The following FGF12 variants were observed in gnomAD, a reference collection of about 807,000 sequenced individuals.
FGF12 encodes fibroblast growth factor 12.
A neutral mutation model predicts 23.6 loss-of-function variants in FGF12; 14 were observed. The ratio of observed to expected loss-of-function variants is 0.59; its 90% confidence interval spans 0.39 to 0.93. The LOEUF (loss-of-function observed/expected upper bound fraction) is 0.93, where lower values mean the gene tolerates loss of function less well. Ranked by LOEUF, FGF12 falls within the 40% of genes least tolerant of loss-of-function variation. The probability of loss-of-function intolerance (pLI) is 0.00; values close to 1 mark genes in which losing one functional copy is unlikely to be tolerated. For synonymous variants in FGF12, 62 were observed against 77.3 expected, an observed-to-expected ratio of 0.80 and a Z score of 1.04; for missense variants, 175 against 217.8, an observed-to-expected ratio of 0.80 and a Z score of 1.24.
intron 4 of FGF12, among the ~76,000 whole-genome samples, chr3:192,314,362 C>T (rs898534799): frequency 1.3e-5 from 2 of 152,010 alleles, no homozygotes; most frequent in African/African-American, 4.8e-5. Flanking sequence ...AGGTTCACCA[C>T]GTGATGTAGT....
intron 2 of FGF12, among the ~76,000 whole-genome samples, chr3:192,414,877 T>G (rs1721297972): frequency 6.6e-6 from 1 of 152,136 alleles, no homozygotes; most frequent in African/African-American, 2.4e-5. Flanking sequence ...CCCAATTCTC[T>G]CCCCGTGAAG....
intron 2 of FGF12, among the ~76,000 whole-genome samples, chr3:192,519,905 A>G (rs566569923): frequency 1.3e-5 from 2 of 152,326 alleles, no homozygotes; most frequent in South Asian, 2.1e-4. Context: ...CTGATTTGCT[A>G]TTGTGTCCTT....
chr3:192,711,639 A>G (rs1008114454), intron 2 of FGF12, among the ~76,000 whole-genome samples: 9 of 152,104 alleles, frequency 5.9e-5, no homozygotes, highest in African/African-American at 1.9e-4. Context: ...TTGATCTATG[A>G]CCTTACCCCC....
intron 2 of FGF12, among the ~76,000 whole-genome samples, chr3:192,654,088 AC>A (rs1716309665): frequency 6.6e-6 from 1 of 152,206 alleles, no homozygotes; most frequent in South Asian, 2.1e-4. Context: ...ATGTTGCCTA[AC>A]AAGTATGTGA....
intron 2 of FGF12, among the ~76,000 whole-genome samples, chr3:192,640,890 GC>G (rs1299962359): frequency 6.6e-6 from 1 of 151,640 alleles, no homozygotes; most frequent in Non-Finnish European, 1.5e-5. Flanking sequence ...ATGGCTCACT[GC>G]CCCCTCAATC....
At chr3:192,359,313 T>C (rs1331176552) in intron 3 of FGF12, among the ~76,000 whole-genome samples, 1 of 152,240 alleles carries the variant, frequency 6.6e-6, no homozygotes, top group East Asian at 1.9e-4. Flanking sequence ...ATTAGGGATT[T>C]TAAATTTTTC....
In FGF12 at chr3:192,430,390, T is replaced by A. The variant is rs147976033; in HGVS notation, c.14-69852A>T. Among the ~76,000 whole-genome samples, 516 of 152,250 alleles carry A rather than the reference T, an allele frequency of 3.4e-3. 3 individuals carry two copies. Among genetic ancestry groups the A allele is most frequent in the African/African-American group, 0.012 (493 of 41,562 alleles). ...GGGAAAATGGGGAATAGCTGTTCGG[T>A]GGGTATAGTTTCGGTTCTGCAAGAT... is the stretch of plus-strand genomic sequence containing the variant. On this transcript the variant is annotated intron_variant, in intron 2 of 5. Coordinates refer to ENST00000445105, the MANE Select transcript of FGF12 (RefSeq NM_004113.6).
chr3:192,469,804 A>G (rs1723118374), intron 2 of FGF12, among the ~76,000 whole-genome samples: 1 of 152,224 alleles, frequency 6.6e-6, no homozygotes, highest in Non-Finnish European at 1.5e-5. Context: ...GCACTGTGCA[A>G]TAAACTGAAC....
At chr3:192,222,315 A>G (rs1395759977) in intron 4 of FGF12, among the ~76,000 whole-genome samples, 2 of 152,140 alleles carry the variant, frequency 1.3e-5, no homozygotes, top group Admixed American at 6.6e-5. Context: ...AAGAGACTCA[A>G]ATAAGGTTCT....
At chr3:192,188,947 A>T (rs965094642) in intron 4 of FGF12, among the ~76,000 whole-genome samples, 3 of 152,238 alleles carry the variant, frequency 2.0e-5, no homozygotes, top group African/African-American at 7.2e-5. Context: ...AAAAGTCTGA[A>T]GTTCAGGTAA....
At chr3:192,531,667 T>TA (rs1267748364) in intron 2 of FGF12, among the ~76,000 whole-genome samples, 1 of 152,228 alleles carries the variant, frequency 6.6e-6, no homozygotes, top group East Asian at 1.9e-4. Context: ...ATTTAAAACT[T>TA]AAAGTTATTA....
At chr3:192,555,725 G>A (rs1051591298) in intron 2 of FGF12, among the ~76,000 whole-genome samples, 2 of 151,562 alleles carry the variant, frequency 1.3e-5, no homozygotes, top group Non-Finnish European at 2.9e-5. Flanking sequence ...TTGAACCCGG[G>A]AGGTGGAGAT....
At chr3:192,526,398 G>T (rs1724946483) in intron 2 of FGF12, among the ~76,000 whole-genome samples, 1 of 152,180 alleles carries the variant, frequency 6.6e-6, no homozygotes, top group African/African-American at 2.4e-5. Flanking sequence ...AGAAGTACAT[G>T]ATTTTATGGT....
Position 192,360,471 on chromosome 3 carries a change from TG to T in FGF12, c.80del (p.Pro27GlnfsTer20). On this transcript the variant is annotated frameshift_variant, in exon 3 of 6. Coordinates refer to ENST00000445105, the MANE Select transcript of FGF12 (RefSeq NM_004113.6). LOFTEE classifies it high-confidence loss of function. The surrounding 1 kb of genome is among the most constrained non-coding windows in gnomAD (Gnocchi z 4.3). ...SQQGYFLQMH[P>X]DGTIDGTKDE... ...CCTTGGTCCCATCAATGGTACCATC[TG>T]GGTGCATCTGCAGGAAGTATCCCTG... 1.2e-6 allele frequency: 2 copies of T among 1,613,990 alleles called. No homozygotes were observed. Among genetic ancestry groups the T allele is most frequent in the Non-Finnish European group, 1.7e-6 (2 of 1,179,874 alleles).
intron 4 of FGF12, among the ~76,000 whole-genome samples, chr3:192,290,867 A>G (rs1714718788): frequency 6.6e-6 from 1 of 152,172 alleles, no homozygotes; most frequent in African/African-American, 2.4e-5. Context: ...CTGGTCTGGT[A>G]AGCTATAAAG....
intron 4 of FGF12, among the ~76,000 whole-genome samples, chr3:192,330,564 A>G (rs1004869225): frequency 2.0e-5 from 3 of 152,164 alleles, no homozygotes; most frequent in African/African-American, 7.2e-5. Flanking sequence ...ATGTAACATT[A>G]ATTCAAAATG....
chr3:192,497,453 G>A lies in FGF12; in HGVS notation c.14-136915C>T, dbSNP rs564241175. ...TTTCATAGTGCAGACAGAGGGATCC[G>A]TTTATAAATGTAAATGGCTCATGCC... On this transcript the variant is annotated intron_variant, in intron 2 of 5. Coordinates refer to ENST00000445105, the MANE Select transcript of FGF12 (RefSeq NM_004113.6). Among the ~76,000 whole-genome samples the A allele has an allele frequency of 7.2e-5, 11 of 152,312 alleles. No individual in the cohort carries two copies. In the East Asian group the frequency reaches 1.5e-3, roughly 21 times the overall value.
chr3:192,361,025 A>G (rs1577388107), intron 2 of FGF12, among the ~76,000 whole-genome samples: 2 of 152,120 alleles, frequency 1.3e-5, no homozygotes, highest in South Asian at 4.1e-4. Flanking sequence ...CAGAAAGAAT[A>G]GTTTGGAGAA....
chr3:192,217,651 T>C (rs993584099), intron 4 of FGF12, among the ~76,000 whole-genome samples: 1 of 152,204 alleles, frequency 6.6e-6, no homozygotes, highest in African/African-American at 2.4e-5. Flanking sequence ...AGGAAAAATA[T>C]ATAAAATCAA....
Sources: allele counts gnomAD v4.1 joint callset (sites outside exome capture counted in the v4.1 genomes callset), GRCh38; gene constraint gnomAD v4.1.1; non-coding constraint Gnocchi (gnomAD v3.1); transcripts MANE v1.5; gene names NCBI Gene and HGNC (gene_info 2026-07-23, HGNC 2026-07-21).